The following GALK2 variants were observed in gnomAD, a reference collection of about 807,000 sequenced individuals.
The protein encoded by GALK2 is N-acetylgalactosamine kinase.
In GALK2, 36 loss-of-function variants were observed where a neutral mutation model predicts 52.4. The observed-to-expected ratio is 0.69, with a 90% CI of 0.53 to 0.91. The LOEUF (loss-of-function observed/expected upper bound fraction) is 0.91. Ranked by LOEUF, GALK2 falls within the 40% of genes least tolerant of loss-of-function variation. The pLI is 0.00. For missense variants in GALK2, 579 were observed against 559.1 expected (o/e 1.04, Z -0.36); for synonymous variants, 176 against 199.1 (o/e 0.88, Z 0.98).
At chr15:49,354,618 T>TGCTA (rs1375278231) in intron 3 of GALK2, among the ~76,000 whole-genome samples, 8 of 152,136 alleles carry the variant, frequency 5.3e-5, no homozygotes, top group Admixed American at 2.0e-4. Flanking sequence ...TCTCGCTGAT[T>TGCTA]GCTAGCACAG....
At chr15:49,162,929 G>A (rs537161106) in intron 1 of GALK2, among the ~76,000 whole-genome samples, 20 of 152,312 alleles carry the variant, frequency 1.3e-4, no homozygotes, top group African/African-American at 4.6e-4. Context: ...GATAATAAAT[G>A]TGTATTTATT....
At chr15:49,158,831 T>TTGTC (rs1347786569) in intron 1 of GALK2, 1 of 26,298 alleles carries the variant, frequency 3.8e-5, no homozygotes, top group Non-Finnish European at 8.1e-5. Flanking sequence ...CAATATTTGG[T>TTGTC]TGTTTATATT....
intron 2 of GALK2, among the ~76,000 whole-genome samples, chr15:49,214,486 A>G (rs1352244795): frequency 7.6e-6 from 1 of 131,466 alleles, no homozygotes; most frequent in Non-Finnish European, 1.6e-5. Context: ...ACCTGCCACC[A>G]CACCCGGCTA....
intron 3 of GALK2, among the ~76,000 whole-genome samples, chr15:49,229,800 T>C (rs955234428): frequency 6.6e-6 from 1 of 151,988 alleles, no homozygotes; most frequent in African/African-American, 2.4e-5. Flanking sequence ...TCGTAGACAA[T>C]TGGCTGGGGA....
chr15:49,191,280 G>A (rs76750516), intron 1 of GALK2, among the ~76,000 whole-genome samples: 9,967 of 152,080 alleles, frequency 0.066, 684 homozygotes, highest in African/African-American at 0.17. Flanking sequence ...GAACTTTATT[G>A]TTACGCTGAC....
At chr15:49,318,793 C>T (rs2036632193) in intron 8 of GALK2, among the ~76,000 whole-genome samples, 2 of 152,180 alleles carry the variant, frequency 1.3e-5, no homozygotes, top group Non-Finnish European at 2.9e-5. Flanking sequence ...TAGGGCCAGG[C>T]ATCCCTGATC....
chr15:49,199,393 A>G (rs1332732369), intron 1 of GALK2, among the ~76,000 whole-genome samples: 1 of 152,126 alleles, frequency 6.6e-6, no homozygotes, highest in Admixed American at 6.5e-5. Context: ...GAGGATGTAT[A>G]GAGAAAGATT....
At chr15:49,305,941 C>T (rs963061010) in intron 8 of GALK2, among the ~76,000 whole-genome samples, 1 of 152,174 alleles carries the variant, frequency 6.6e-6, no homozygotes, top group Non-Finnish European at 1.5e-5. Context: ...TTTATTCTTT[C>T]AGGGTATTGC....
In GALK2 at chr15:49,217,328, T is replaced by C; in HGVS notation, c.266+15T>C. ...CCCTTGTATCCGTGAGTATTTAAAA[T>C]TGTTAGTGTGTGTGTATGTATGGTT... is the stretch of plus-strand genomic sequence containing the variant. On this transcript the variant is annotated intron_variant, in intron 3 of 9. Transcript: ENST00000560031. The C allele has an allele frequency of 6.2e-7, 1 of 1,613,382 alleles. No individual in the cohort carries two copies. Among genetic ancestry groups the C allele is most frequent in the Non-Finnish European group, 8.5e-7 (1 of 1,179,622 alleles).
intron 2 of GALK2, among the ~76,000 whole-genome samples, chr15:49,211,745 G>A (rs2088912404): frequency 6.6e-6 from 1 of 152,156 alleles, no homozygotes; most frequent in South Asian, 2.1e-4. Flanking sequence ...GGGAGGGGAA[G>A]TGCTATACTC....
chr15:49,214,813 C>G (rs1328761320), intron 2 of GALK2, among the ~76,000 whole-genome samples: 1 of 152,154 alleles, frequency 6.6e-6, no homozygotes, highest in African/African-American at 2.4e-5. Context: ...TTTACCACTA[C>G]CAGTGAGTTC....
intron 1 of GALK2, among the ~76,000 whole-genome samples, chr15:49,160,508 T>C (rs770487469): frequency 2.0e-5 from 3 of 152,022 alleles, no homozygotes; most frequent in Non-Finnish European, 2.9e-5. Context: ...GTACCTGGGA[T>C]GACTATACAT....
chr15:49,329,519 G>C lies in GALK2; in HGVS notation c.*1360G>C. On this transcript the variant is annotated 3_prime_UTR_variant, in exon 10 of 10. Coordinates refer to ENST00000560031, the MANE Select transcript of GALK2 (RefSeq NM_002044.4). ...GAATTTCAGTTTAAGGGAGGCCTGCGCAAAGCTAGTTTTATTTCTTAAAGG... is the reference window on the plus strand; with the variant it reads ...GAATTTCAGTTTAAGGGAGGCCTGCCCAAAGCTAGTTTTATTTCTTAAAGG... The C allele has an allele frequency of 3.0e-6, 3 of 985,272 alleles. No individual in the cohort carries two copies. The highest frequency in any genetic ancestry group is 3.6e-6 in the Non-Finnish European group (3 of 829,850). The allele number at this position is 985,272 out of a possible 1,614,324, so 61.0% of individuals were successfully genotyped here.
intron 3 of GALK2, among the ~76,000 whole-genome samples, chr15:49,345,664 T>C (rs1262035390): frequency 6.6e-6 from 1 of 152,216 alleles, no homozygotes; most frequent in Non-Finnish European, 1.5e-5. Flanking sequence ...GGTAAGCCAC[T>C]GAATGGAAGA....
chr15:49,210,118 A>G (rs906576933), intron 2 of GALK2, among the ~76,000 whole-genome samples: 2 of 152,164 alleles, frequency 1.3e-5, no homozygotes, highest in Non-Finnish European at 2.9e-5. Context: ...ATTTGTTGGC[A>G]TAATAGTTGT....
intron 1 of GALK2, among the ~76,000 whole-genome samples, chr15:49,181,637 G>T (rs571273618): frequency 6.7e-6 from 1 of 150,108 alleles, no homozygotes; most frequent in Non-Finnish European, 1.5e-5. Context: ...TCAGCCTCCC[G>T]AGTAGCTGGG....
chr15:49,258,066 T>A (rs1057257009), intron 5 of GALK2, among the ~76,000 whole-genome samples: 1 of 151,870 alleles, frequency 6.6e-6, no homozygotes, highest in African/African-American at 2.4e-5. Context: ...GAAAATAAAA[T>A]CTTTGTATCT....
intron 1 of GALK2, chr15:49,156,565 G>A: frequency 3.9e-6 from 2 of 517,924 alleles, no homozygotes; most frequent in South Asian, 3.0e-5. Context: ...CCGTGCAGCT[G>A]AAAGCTGCTG....
intron 5 of GALK2, among the ~76,000 whole-genome samples, chr15:49,250,562 T>G (rs1319777888): frequency 1.3e-5 from 2 of 152,196 alleles, no homozygotes; most frequent in Non-Finnish European, 1.5e-5. Flanking sequence ...CACATGTAAC[T>G]GGAGTTGTCT....
Sources: gnomAD v4.1 joint callset for allele counts (sites outside exome capture counted in the v4.1 genomes callset) on GRCh38, gnomAD v4.1.1 for gene constraint, MANE v1.5 for transcripts, NCBI Gene and HGNC (gene_info 2026-07-23, HGNC 2026-07-21) for gene names.